The following KLHDC4 variants were observed in gnomAD, a reference collection of about 807,000 sequenced individuals.
The protein encoded by KLHDC4 is kelch domain containing 4, also known as kelch domain-containing protein 4.
In KLHDC4, 90 loss-of-function variants were observed where a neutral mutation model predicts 62.4. The ratio of observed to expected loss-of-function variants is 1.44; its 90% CI spans 1.22 to 1.72. The LOEUF (loss-of-function observed/expected upper bound fraction) is 1.72, where lower values mean the gene tolerates loss of function less well. Ranked by LOEUF, KLHDC4 falls within the 40% of genes most tolerant of loss-of-function variation. KLHDC4 has a pLI of 0.00. For synonymous variants in KLHDC4, 386 were observed against 284.4 expected (o/e 1.36, Z -3.59); for missense variants, 1,025 against 699.7 (o/e 1.47, Z -5.25).
intron 7 of KLHDC4, among the ~76,000 whole-genome samples, chr16:87,721,331 G>A (rs1248704124): frequency 6.0e-5 from 9 of 150,962 alleles, no homozygotes; most frequent in East Asian, 2.0e-4. Context: ...GGAGAATGGC[G>A]TGAACCCGGT....
At chr16:87,753,163 T>C (rs183977016) in intron 4 of KLHDC4, among the ~76,000 whole-genome samples, 100 of 152,194 alleles carry the variant, frequency 6.6e-4, no homozygotes, top group African/African-American at 2.4e-3. Context: ...GAGGAAGCTA[T>C]GGGAGAAAAA....
chr16:87,761,367 G>C (rs529062043), intron 2 of KLHDC4, among the ~76,000 whole-genome samples: 2 of 152,188 alleles, frequency 1.3e-5, no homozygotes, highest in African/African-American at 2.4e-5. Flanking sequence ...GCTTCCACTA[G>C]GGCCTGCAGC....
intron 9 of KLHDC4, 135 bp from the exon 10 acceptor site, chr16:87,709,802 C>T (rs1256451222): frequency 9.6e-7 from 1 of 1,045,228 alleles, no homozygotes; most frequent in Non-Finnish European, 1.3e-6. Flanking sequence ...AGGAAGGCGC[C>T]ATCCCTGACT....
rs2045970788 is a variant in KLHDC4, at chr16:87,762,058, G to A, written c.100-18C>T. ...AGGTCTTCCTAGGGCAAGCAAGCAGGCACACGTGAGACTTATTCCCAGGAC... is the reference window on the plus strand; with the variant it reads ...AGGTCTTCCTAGGGCAAGCAAGCAGACACACGTGAGACTTATTCCCAGGAC... On this transcript the variant is annotated intron_variant, in intron 1 of 11. Transcript: ENST00000270583. 3.1e-6 allele frequency: 5 copies of A among 1,612,092 alleles called. No individual in the cohort carries two copies. In the East Asian group the frequency reaches 6.7e-5, roughly 22 times the overall value.
At chr16:87,749,079 C>G (rs934976089) in intron 4 of KLHDC4, among the ~76,000 whole-genome samples, 2 of 151,324 alleles carry the variant, frequency 1.3e-5, no homozygotes, top group African/African-American at 4.9e-5. Context: ...TAGACAATGC[C>G]ATATCCCATT....
intron 2 of KLHDC4, among the ~76,000 whole-genome samples, chr16:87,759,771 T>C (rs1321810944): frequency 6.6e-6 from 1 of 152,170 alleles, no homozygotes; most frequent in Non-Finnish European, 1.5e-5. Flanking sequence ...TTTCCCAAAT[T>C]CCTCTGACCC....
chr16:87,711,865 C>CGGGGACCCTCCACCCTGCAT (rs2035921234), intron 8 of KLHDC4, among the ~76,000 whole-genome samples: 1 of 147,274 alleles, frequency 6.8e-6, no homozygotes, highest in Non-Finnish European at 1.5e-5. Flanking sequence ...TGGGCCTGCA[C>CGGGGACCCTCCACCCTGCAT]GGGGACCCTC....
intron 7 of KLHDC4, among the ~76,000 whole-genome samples, chr16:87,718,573 T>G (rs2037551278): frequency 1.3e-5 from 2 of 151,746 alleles, no homozygotes; most frequent in South Asian, 4.2e-4. Flanking sequence ...CTCGGCTCGC[T>G]ACAACCCCCA....
chr16:87,724,335 A>G (rs988563502), intron 7 of KLHDC4, among the ~76,000 whole-genome samples: 1 of 152,240 alleles, frequency 6.6e-6, no homozygotes, highest in African/African-American at 2.4e-5. Flanking sequence ...CCTGTATCAC[A>G]GACCGCAATA....
intron 1 of KLHDC4, 136 bp from the exon 2 acceptor site, chr16:87,762,176 G>A (rs1296777929): frequency 9.5e-6 from 14 of 1,470,608 alleles, no homozygotes; most frequent in East Asian, 2.4e-5. Context: ...TACTGTGCCT[G>A]TTTGAAATGC....
chr16:87,707,973 G>A lies in KLHDC4; in HGVS notation c.*104C>T. The A allele has an allele frequency of 1.1e-5, 5 of 473,272 alleles. No individual in the cohort carries two copies. The highest frequency in any genetic ancestry group is 2.1e-5 in the Non-Finnish European group (5 of 238,416). The allele number at this position is 473,272 out of a possible 1,614,324, so 29.3% of individuals were successfully genotyped here. A position where few individuals can be genotyped will look rare whatever the true frequency, so the allele number is the denominator to read the frequency against. On this transcript the variant is annotated 3_prime_UTR_variant, in exon 12 of 12. Transcript: ENST00000270583. ...GGCCACCCACCTTCAGCTCTCTCCT[G>A]TGCGTCAGGACGCACGCTGGCCCCA...
chr16:87,725,401 G>A (rs1197465877), intron 7 of KLHDC4, among the ~76,000 whole-genome samples: 26 of 152,126 alleles, frequency 1.7e-4, no homozygotes, highest in Non-Finnish European at 3.7e-4. Context: ...TCTTGACCTC[G>A]TGAGCCGCCC....
chr16:87,745,702 G>C (rs190089861), intron 5 of KLHDC4, among the ~76,000 whole-genome samples: 8 of 152,310 alleles, frequency 5.3e-5, no homozygotes, highest in South Asian at 2.1e-4. Context: ...GGGTGGGAGA[G>C]GGCAGGCTGA....
chr16:87,748,684 C>T lies in KLHDC4; in HGVS notation c.495G>A (p.Trp165Ter). ...ATCTGGCTTCTTACTTGACTTGTTCCCAGGTCTTGGTGGCCAAATGCAGGA... is the reference window on the plus strand; with the variant it reads ...ATCTGGCTTCTTACTTGACTTGTTCTCAGGTCTTGGTGGCCAAATGCAGGA... ...LWVLHLATKT[W>*]EQVKSTGGPS... The change falls in exon 5 of 12, where the codon TGG becomes TGA. Residue 165 changes from tryptophan to a stop codon, truncating the protein, a stop_gained. Coordinates refer to ENST00000270583, the MANE Select transcript of KLHDC4 (RefSeq NM_017566.4). LOFTEE classifies it high-confidence loss of function. 6.2e-7 allele frequency: 1 copy of T among 1,613,602 alleles called. No individual in the cohort carries two copies. The highest frequency in any genetic ancestry group is 8.5e-7 in the Non-Finnish European group (1 of 1,179,910).
chr16:87,764,158 C>A (rs2046271996), intron 1 of KLHDC4, among the ~76,000 whole-genome samples: 1 of 152,214 alleles, frequency 6.6e-6, no homozygotes, highest in Non-Finnish European at 1.5e-5. Flanking sequence ...ATTACAGACA[C>A]AGCTGAATTT....
chr16:87,714,632 C>T, intron 7 of KLHDC4, 59 bp from the exon 8 acceptor site: 1 of 1,575,626 alleles, frequency 6.3e-7, no homozygotes, highest in Non-Finnish European at 8.7e-7. Flanking sequence ...GCTTACAGAC[C>T]CCCCAACCCT....
chr16:87,761,871 A>T, intron 2 of KLHDC4, 78 bp downstream of exon 2: 1 of 1,375,950 alleles, frequency 7.3e-7, no homozygotes, highest in Non-Finnish European at 1.0e-6. Context: ...CATTTACGAA[A>T]CCTGGTGCTA....
intron 7 of KLHDC4, among the ~76,000 whole-genome samples, chr16:87,718,717 G>A (rs1336854088): frequency 3.3e-4 from 48 of 146,566 alleles, no homozygotes; most frequent in South Asian, 4.4e-4. Flanking sequence ...CCCTCTGCCC[G>A]GCTGCCCAGC....
At chr16:87,716,388 G>T (rs1400170280) in intron 7 of KLHDC4, among the ~76,000 whole-genome samples, 1 of 152,178 alleles carries the variant, frequency 6.6e-6, no homozygotes, top group South Asian at 2.1e-4. Flanking sequence ...GCAGAGTTCG[G>T]CTATGCTCTA....
Sources: gnomAD v4.1 joint callset for allele counts (sites outside exome capture counted in the v4.1 genomes callset) on GRCh38, gnomAD v4.1.1 for gene constraint, MANE v1.5 for transcripts, NCBI Gene and HGNC (gene_info 2026-07-23, HGNC 2026-07-21) for gene names.